R3HDM2: variants seen among roughly 807,000 people sequenced by gnomAD.
The protein encoded by R3HDM2 is R3H domain-containing protein 2.
In R3HDM2, 38 loss-of-function variants were observed where a neutral mutation model predicts 124.5. That is an observed-to-expected ratio of 0.31 (90% CI 0.24 to 0.40). The LOEUF is 0.40. R3HDM2 is among the 10% of genes least tolerant of loss of function. R3HDM2 has a pLI of 1.00. For synonymous variants in R3HDM2, 391 were observed against 448.0 expected (o/e 0.87, Z 1.61); for missense variants, 869 against 1,236.9 (o/e 0.70, Z 4.46).
intron 2 of R3HDM2, among the ~76,000 whole-genome samples, chr12:57,375,075 A>G (rs2063873756): frequency 2.0e-5 from 3 of 151,968 alleles, no homozygotes; most frequent in Admixed American, 2.0e-4. Context: ...AAAAATGACC[A>G]GACCAGACAT....
At position 57,278,554 on chromosome 12, in the gene R3HDM2, C is replaced by T. The variant is rs114374097; in HGVS notation, c.1344+1804G>A. Among the ~76,000 whole-genome samples the T allele has an allele frequency of 2.1e-3, 312 of 152,092 alleles. 1 individual carries two copies. Among genetic ancestry groups the T allele is most frequent in the African/African-American group, 7.2e-3 (299 of 41,484 alleles). On this transcript the variant is annotated intron_variant, in intron 14 of 23. Coordinates refer to ENST00000402412, the MANE Select transcript of R3HDM2 (RefSeq NM_001394031.1). The stretch of plus-strand genomic sequence containing the variant: ...AAGCAAGTCATACACATAAAAAACA[C>T]GGTAGCAGATGACAGAAGGAGAAGC...
intron 2 of R3HDM2, among the ~76,000 whole-genome samples, chr12:57,368,939 G>A (rs923402181): frequency 6.6e-6 from 1 of 152,144 alleles, no homozygotes; most frequent in African/African-American, 2.4e-5. Context: ...CAGTCAGCAG[G>A]GCGAGGGCTG....
intron 11 of R3HDM2, among the ~76,000 whole-genome samples, chr12:57,291,525 G>A (rs1194450476): frequency 3.3e-5 from 5 of 151,712 alleles, no homozygotes; most frequent in African/African-American, 7.2e-5. Context: ...GTGGTAATGC[G>A]TGCCTGTAAT....
At chr12:57,282,425 G>A (rs1198348992) in intron 13 of R3HDM2, among the ~76,000 whole-genome samples, 1 of 152,196 alleles carries the variant, frequency 6.6e-6, no homozygotes, top group Non-Finnish European at 1.5e-5. Flanking sequence ...CTATTCAGGT[G>A]AGGATGCAGA....
rs192241548 is a variant in R3HDM2 at position 57,268,248 on chromosome 12, C to T, written c.2030+55G>A. 1.1e-5 allele frequency: 18 copies of T among 1,566,658 alleles called. No homozygotes were observed. In the Admixed American group the frequency reaches 2.5e-4, roughly 22 times the overall value. ...CAGTGGAAACAAAACCATGATGCAA[C>T]TGTTGCTGAAGGTCTATGGGAGATG... is the stretch of plus-strand genomic sequence containing the variant. On this transcript the variant is annotated intron_variant, in intron 18 of 23. Coordinates refer to ENST00000402412, the MANE Select transcript of R3HDM2 (RefSeq NM_001394031.1).
chr12:57,310,204 G>T, intron 3 of R3HDM2, 60 bp downstream of exon 3: 1 of 1,264,194 alleles, frequency 7.9e-7, no homozygotes. Flanking sequence ...ACAGAGCTGG[G>T]TAACCCTGTC....
At chr12:57,284,148 G>C in intron 12 of R3HDM2, 92 bp from the exon 13 acceptor site, 1 of 1,149,354 alleles carries the variant, frequency 8.7e-7, no homozygotes, top group Non-Finnish European at 1.2e-6. Flanking sequence ...CAATAACAAA[G>C]AATGGGTAAG....
At chr12:57,299,897 C>G (rs1592941305) in intron 5 of R3HDM2, among the ~76,000 whole-genome samples, 198 bp downstream of exon 5, 1 of 152,128 alleles carries the variant, frequency 6.6e-6, no homozygotes, top group African/African-American at 2.4e-5. Flanking sequence ...CTCCCTGGTG[C>G]AGGTCTGTCA....
chr12:57,380,420 T>C (rs1281914292), intron 2 of R3HDM2, among the ~76,000 whole-genome samples: 1 of 152,158 alleles, frequency 6.6e-6, no homozygotes, highest in Non-Finnish European at 1.5e-5. Flanking sequence ...GACAGAATGA[T>C]GGCTGGGAAA....
chr12:57,412,582 A>T (rs1287993305), intron 1 of R3HDM2, among the ~76,000 whole-genome samples: 3 of 152,088 alleles, frequency 2.0e-5, no homozygotes, highest in African/African-American at 7.2e-5. Flanking sequence ...AAACCCACAA[A>T]GTATTAAAGG....
chr12:57,254,141 A>T lies in R3HDM2; in HGVS notation c.*632T>A, dbSNP rs1333267472. The T allele has an allele frequency of 1.3e-5, 6 of 455,928 alleles. No homozygotes were observed. The highest frequency in any genetic ancestry group is 2.6e-5 in the Non-Finnish European group (6 of 226,724). The allele number at this position is 455,928 out of a possible 1,614,324, so 28.2% of individuals were successfully genotyped here. A position where few individuals can be genotyped will look rare whatever the true frequency, so the allele number is the denominator to read the frequency against. On this transcript the variant is annotated 3_prime_UTR_variant, in exon 24 of 24. Transcript: ENST00000402412. Reference sequence around the variant, plus strand: ...TAGGAGGACAGTGTGGGACTTTCCCAATTCTACCTGACCAAAAAATGAGAA... The same window carrying T: ...TAGGAGGACAGTGTGGGACTTTCCCTATTCTACCTGACCAAAAAATGAGAA...
At chr12:57,387,176 T>C (rs2065962576) in intron 2 of R3HDM2, among the ~76,000 whole-genome samples, 1 of 152,266 alleles carries the variant, frequency 6.6e-6, no homozygotes, top group Non-Finnish European at 1.5e-5. Context: ...GAGCCACCAG[T>C]GGCAACCGGC....
intron 2 of R3HDM2, among the ~76,000 whole-genome samples, chr12:57,359,856 G>C (rs1250552493): frequency 6.6e-6 from 1 of 151,128 alleles, no homozygotes; most frequent in Non-Finnish European, 1.5e-5. Flanking sequence ...GGTTTATTTA[G>C]TGTATACTTT....
rs114219158 is a variant in R3HDM2, at chr12:57,299,978, G to C, written c.294+117C>G. 645 of 802,816 alleles carry C rather than the reference G, an allele frequency of 8.0e-4. 4 individuals carry two copies. In the African/African-American group the frequency reaches 9.0e-3, roughly 11 times the overall value. 49.7% of individuals were successfully genotyped at this position (802,816 alleles called of 1,614,324 possible). A position where few individuals can be genotyped will look rare whatever the true frequency, so the allele number is the denominator to read the frequency against. ...GCCCTGTTTTACTACAACAGCTTTT[G>C]TTCTGAAGTACCTTCTACCCTGATT... On this transcript the variant is annotated intron_variant, in intron 5 of 23. Transcript: ENST00000402412.
At chr12:57,275,047 C>T (rs534641821) in intron 14 of R3HDM2, among the ~76,000 whole-genome samples, 7 of 152,146 alleles carry the variant, frequency 4.6e-5, no homozygotes, top group Non-Finnish European at 1.0e-4. Context: ...CTGGAGGCAA[C>T]ATACTACCTG....
chr12:57,315,686 T>C (rs1566108798), intron 2 of R3HDM2, among the ~76,000 whole-genome samples: 1 of 152,216 alleles, frequency 6.6e-6, no homozygotes, highest in Non-Finnish European at 1.5e-5. Context: ...CTTTCATCTG[T>C]AGAATATGGT....
intron 1 of R3HDM2, among the ~76,000 whole-genome samples, chr12:57,404,744 C>G (rs554501781): frequency 2.2e-4 from 33 of 151,168 alleles, no homozygotes; most frequent in African/African-American, 7.8e-4. Flanking sequence ...TCTAGGTCAG[C>G]CATGTTGGCT....
chr12:57,331,625 G>C (rs989940634), intron 2 of R3HDM2, among the ~76,000 whole-genome samples: 1 of 152,034 alleles, frequency 6.6e-6, no homozygotes, highest in Non-Finnish European at 1.5e-5. Flanking sequence ...GGGAAACTCT[G>C]TCTCTGTAAA....
intron 2 of R3HDM2, among the ~76,000 whole-genome samples, chr12:57,364,143 C>CTTTT (rs11320875): frequency 1.2e-5 from 1 of 81,670 alleles, no homozygotes; most frequent in Non-Finnish European, 2.4e-5. Flanking sequence ...GACTCGGTGT[C>CTTTT]TTTTTTTTTT....
Sources: allele counts gnomAD v4.1 joint callset (sites outside exome capture counted in the v4.1 genomes callset), GRCh38; gene constraint gnomAD v4.1.1; transcripts MANE v1.5; gene names NCBI Gene and HGNC (gene_info 2026-07-23, HGNC 2026-07-21).